PAWR: variants seen among roughly 807,000 people sequenced by gnomAD.
PAWR encodes pro-apoptotic WT1 regulator.
PAWR carries 23 observed loss-of-function variants against 32.0 expected under a neutral mutation model. The ratio of observed to expected loss-of-function variants is 0.72; its 90% CI spans 0.52 to 1.02. The LOEUF is 1.02. Ranked by LOEUF, PAWR falls within the 50% of genes least tolerant of loss-of-function variation. The pLI, the probability that PAWR is intolerant of heterozygous loss-of-function variation, is 0.00. For missense variants in PAWR, 457 were observed against 437.7 expected, an observed-to-expected ratio of 1.04 and a Z score of -0.39; for synonymous variants, 226 against 187.1, an observed-to-expected ratio of 1.21 and a Z score of -1.70.
At chr12:79,632,331 A>G (rs1243941245) in intron 2 of PAWR, among the ~76,000 whole-genome samples, 4 of 46,676 alleles carry the variant, frequency 8.6e-5, no homozygotes, top group Admixed American at 7.1e-4. Context: ...ATATATATAT[A>G]TATATATATA....
chr12:79,683,543 A>T (rs559500194), intron 2 of PAWR, among the ~76,000 whole-genome samples: 1 of 152,246 alleles, frequency 6.6e-6, no homozygotes, highest in East Asian at 1.9e-4. Context: ...TGGTCCCCCC[A>T]GAAACATCTT....
intron 6 of PAWR, among the ~76,000 whole-genome samples, 198 bp from the exon 7 acceptor site, chr12:79,592,891 T>C (rs748543679): frequency 6.6e-6 from 1 of 152,196 alleles, no homozygotes; most frequent in African/African-American, 2.4e-5. Flanking sequence ...ACAACAAGTG[T>C]ATAGGCCAAC....
chr12:79,614,305 C>T (rs1268023685), intron 3 of PAWR, among the ~76,000 whole-genome samples: 2 of 150,370 alleles, frequency 1.3e-5, no homozygotes, highest in African/African-American at 5.0e-5. Flanking sequence ...CCACTGCGCC[C>T]GGCCTTATAG....
At chr12:79,686,167 AT>A (rs998781329) in intron 2 of PAWR, among the ~76,000 whole-genome samples, 2 of 152,140 alleles carry the variant, frequency 1.3e-5, no homozygotes, top group African/African-American at 4.8e-5. Flanking sequence ...ACCTCTACCT[AT>A]TCAAAGATTA....
chr12:79,638,898 T>TATATA (rs1566013843), intron 2 of PAWR, among the ~76,000 whole-genome samples: 20 of 6,312 alleles, frequency 3.2e-3, no homozygotes, highest in South Asian at 9.4e-3. Context: ...ATATATATAT[T>TATATA]TTTTTTTTTT....
In PAWR at chr12:79,690,184, C is replaced by G. The variant is rs201869660; in HGVS notation, c.61G>C (p.Glu21Gln). The change falls in exon 2 of 7, where the codon GAG becomes CAG. Residue 21 changes from glutamate (E) to glutamine (Q), a missense_variant. Transcript: ENST00000328827. ...TTCTCGCGTTTCGCCTTCCACTCCT[C>G]CAGGAAGTCTGTGGTGCTGCCGCCG... ...GLGGSTTDFL[E>Q]EWKAKREKMR... 544 of 1,533,376 alleles carry G rather than the reference C, an allele frequency of 3.5e-4. 1 individual carries two copies. Among genetic ancestry groups the G allele is most frequent in the Non-Finnish European group, 4.5e-4 (517 of 1,143,586 alleles). The allele number at this position is 1,533,376 out of a possible 1,614,324, so 95.0% of individuals were successfully genotyped here.
intron 2 of PAWR, among the ~76,000 whole-genome samples, chr12:79,639,943 C>T (rs912129708): frequency 1.4e-5 from 2 of 141,382 alleles, no homozygotes; most frequent in Admixed American, 6.8e-5. Flanking sequence ...CTCACTCTAT[C>T]GCCCAGGCTG....
intron 4 of PAWR, chr12:79,597,880 T>C (rs575135028): frequency 3.9e-5 from 6 of 152,334 alleles, no homozygotes; most frequent in East Asian, 3.9e-4. Flanking sequence ...TGGGTGATTA[T>C]GATTCGGGGC....
intron 2 of PAWR, among the ~76,000 whole-genome samples, chr12:79,622,455 C>T (rs1875070408): frequency 6.6e-6 from 1 of 152,126 alleles, no homozygotes; most frequent in African/African-American, 2.4e-5. Context: ...TATCCCTCCC[C>T]TCTCCCCCAA....
intron 2 of PAWR, among the ~76,000 whole-genome samples, chr12:79,627,412 C>A (rs1319789201): frequency 6.6e-6 from 1 of 152,062 alleles, no homozygotes; most frequent in East Asian, 1.9e-4. Flanking sequence ...CTGTTCATAT[C>A]CTTCGCCCAC....
At chr12:79,626,242 C>G (rs1450195480) in intron 2 of PAWR, among the ~76,000 whole-genome samples, 1 of 145,006 alleles carries the variant, frequency 6.9e-6, no homozygotes, top group East Asian at 2.0e-4. Context: ...AGAAACTATA[C>G]AAGCCAGAAA....
chr12:79,604,627 C>T (rs1283787946), intron 4 of PAWR: 5 of 1,285,318 alleles, frequency 3.9e-6, no homozygotes, highest in Non-Finnish European at 5.1e-6. Flanking sequence ...TGGCTTCCAT[C>T]CTTTTAGTAT....
At position 79,690,125 on chromosome 12, in the gene PAWR, G is replaced by A. The variant is rs766990494; in HGVS notation, c.120C>T (p.Ala40=). ...MRAKQNPPGP[A]PPGGGSSDAA... ...CGTCGCTGCTGCCCCCTCCCGGGGG[G>A]GCCGGGCCCGGGGGGTTCTGCTTGG... The change falls in exon 2 of 7, where the codon GCC becomes GCT. Residue 40 remains alanine, a synonymous_variant. Coordinates refer to ENST00000328827, the MANE Select transcript of PAWR (RefSeq NM_002583.4). 17 of 1,504,822 alleles carry A rather than the reference G, an allele frequency of 1.1e-5. No individual in the cohort carries two copies. The highest frequency in any genetic ancestry group is 6.1e-5 in the South Asian group (5 of 82,244). 93.2% of individuals were successfully genotyped at this position (1,504,822 alleles called of 1,614,324 possible).
chr12:79,655,763 T>C (rs978414347), intron 2 of PAWR, among the ~76,000 whole-genome samples: 8 of 152,216 alleles, frequency 5.3e-5, no homozygotes, highest in African/African-American at 9.6e-5. Flanking sequence ...CATCTTTCTC[T>C]ATAGTCAAGT....
intron 2 of PAWR, among the ~76,000 whole-genome samples, chr12:79,632,326 T>C (rs868241962): frequency 0.23 from 7,693 of 33,190 alleles, 1,778 homozygotes; most frequent in Non-Finnish European, 0.25. Context: ...TATATATATA[T>C]ATATATATAT....
At chr12:79,654,868 G>A (rs1020292652) in intron 2 of PAWR, among the ~76,000 whole-genome samples, 25 of 152,188 alleles carry the variant, frequency 1.6e-4, no homozygotes, top group Non-Finnish European at 2.6e-4. Context: ...ATTACAATTC[G>A]AAATGAGATT....
chr12:79,670,465 GA>G (rs34804169), intron 2 of PAWR, among the ~76,000 whole-genome samples: 17,503 of 148,296 alleles, frequency 0.12, 3,339 homozygotes, highest in African/African-American at 0.4. Context: ...TTTTCTTGGG[GA>G]AAAAAAAAAT....
chr12:79,609,472 G>T lies in PAWR; in HGVS notation c.683+4103C>A, dbSNP rs548553688. ...GCCCAAAGTGAGAACATGCATCCCTGTTTTCCTGCTTGAATGTTGCCTTTT... is the reference window on the plus strand; with the variant it reads ...GCCCAAAGTGAGAACATGCATCCCTTTTTTCCTGCTTGAATGTTGCCTTTT... On this transcript the variant is annotated intron_variant, in intron 4 of 6. Transcript: ENST00000328827. Among the ~76,000 whole-genome samples, 5 of 152,136 alleles carry T rather than the reference G, an allele frequency of 3.3e-5. No homozygotes were observed. In the South Asian group the frequency reaches 6.2e-4, roughly 19 times the overall value.
chr12:79,669,232 G>T (rs1481573442), intron 2 of PAWR, among the ~76,000 whole-genome samples: 1 of 152,116 alleles, frequency 6.6e-6, no homozygotes, highest in East Asian at 1.9e-4. Context: ...TAAATTGAGG[G>T]TTTCTTGTAC....
Sources: gnomAD v4.1 joint callset for allele counts (sites outside exome capture counted in the v4.1 genomes callset) on GRCh38, gnomAD v4.1.1 for gene constraint, MANE v1.5 for transcripts, NCBI Gene and HGNC (gene_info 2026-07-23, HGNC 2026-07-21) for gene names.